RASGEF1A: variants seen among roughly 807,000 people sequenced by gnomAD.
The protein encoded by RASGEF1A is RasGEF domain family member 1A, also known as ras-GEF domain-containing family member 1A.
In RASGEF1A, 18 loss-of-function variants were observed where a neutral mutation model predicts 56.4. That is an observed-to-expected ratio of 0.32 (90% CI 0.22 to 0.47). The LOEUF (loss-of-function observed/expected upper bound fraction) is 0.47. RASGEF1A is among the 20% of genes least tolerant of loss of function. The pLI, the probability that RASGEF1A is intolerant of heterozygous loss-of-function variation, is 1.00. For missense variants in RASGEF1A, 422 were observed against 627.1 expected, an observed-to-expected ratio of 0.67 and a Z score of 3.49; for synonymous variants, 245 against 242.6, an observed-to-expected ratio of 1.01 and a Z score of -0.09.
At chr10:43,259,854 AG>A (rs1836494942) in intron 1 of RASGEF1A, among the ~76,000 whole-genome samples, 1 of 148,856 alleles carries the variant, frequency 6.7e-6, no homozygotes, top group South Asian at 2.3e-4. Flanking sequence ...GCACACAGGC[AG>A]GGGAAACCAC....
chr10:43,259,370 A>C (rs1836487276), intron 1 of RASGEF1A, among the ~76,000 whole-genome samples: 1 of 152,118 alleles, frequency 6.6e-6, no homozygotes, highest in Admixed American at 6.5e-5. Context: ...GCTGTGCAGC[A>C]GTCATCCACA....
At chr10:43,244,985 G>C (rs958155895) in intron 1 of RASGEF1A, among the ~76,000 whole-genome samples, 1 of 151,280 alleles carries the variant, frequency 6.6e-6, no homozygotes, top group Non-Finnish European at 1.5e-5. Flanking sequence ...GAAATAGAGA[G>C]TAAAAAAAAA....
In RASGEF1A at chr10:43,265,669, C is replaced by T. The variant is rs76800266; in HGVS notation, c.-7+1176G>A. Among the ~76,000 whole-genome samples, 1,343 of 152,366 alleles carry T rather than the reference C, an allele frequency of 8.8e-3. 55 individuals are homozygous for T. In the East Asian group the frequency reaches 0.095, roughly 11 times the overall value. ...AGGTCATCAAAACCGTGTCAGTCTA[C>T]AGATGGGGAAACTGAGTCTCAGAAG... On this transcript the variant is annotated intron_variant, in intron 1 of 12. Transcript: ENST00000395810.
In RASGEF1A at chr10:43,248,359, G is replaced by T. The variant is rs190407504; in HGVS notation, c.-7+18486C>A. On this transcript the variant is annotated intron_variant, in intron 1 of 12. Transcript: ENST00000395810. ...CAACAGAATGAGACTATGAGACTCG[G>T]TCTTTAAAAAAAAAAAAAAAAAAAA... Among the ~76,000 whole-genome samples the T allele has an allele frequency of 4.6e-5, 5 of 108,756 alleles. No individual in the cohort carries two copies. In the East Asian group the frequency reaches 1.1e-3, roughly 25 times the overall value. The allele number at this position is 108,756 out of a possible 152,430, so 71.3% of individuals were successfully genotyped here.
chr10:43,264,136 C>G (rs1034540149), intron 1 of RASGEF1A, among the ~76,000 whole-genome samples: 4 of 152,116 alleles, frequency 2.6e-5, no homozygotes, highest in African/African-American at 9.7e-5. Flanking sequence ...GCCATACCAG[C>G]TGACCTTCCC....
intron 1 of RASGEF1A, among the ~76,000 whole-genome samples, chr10:43,238,028 C>T (rs75467463): frequency 7.0e-6 from 1 of 143,480 alleles, no homozygotes; most frequent in East Asian, 2.2e-4. Context: ...CCAGGCCTGA[C>T]GCAGGTGTGC....
At chr10:43,247,850 T>A (rs1840583867) in intron 1 of RASGEF1A, among the ~76,000 whole-genome samples, 1 of 151,808 alleles carries the variant, frequency 6.6e-6, no homozygotes, top group South Asian at 2.1e-4. Flanking sequence ...TCACCTGAGG[T>A]CAGGAGTTCA....
intron 1 of RASGEF1A, among the ~76,000 whole-genome samples, chr10:43,234,255 G>A (rs1186254547): frequency 6.6e-6 from 1 of 152,212 alleles, no homozygotes; most frequent in East Asian, 1.9e-4. Context: ...ACAGGTAGAA[G>A]CTGTCGGCAC....
intron 3 of RASGEF1A, 56 bp downstream of exon 3, chr10:43,203,242 T>G: frequency 2.7e-6 from 4 of 1,478,586 alleles, no homozygotes; most frequent in Non-Finnish European, 3.6e-6. Context: ...CCCCTAGCCT[T>G]GACCTCGCCT....
chr10:43,211,153 C>T (rs991543342), intron 1 of RASGEF1A, among the ~76,000 whole-genome samples: 6 of 152,192 alleles, frequency 3.9e-5, no homozygotes, highest in African/African-American at 1.2e-4. Context: ...TCCTGGAGGA[C>T]GCGCCTCACT....
At chr10:43,209,240 T>G in intron 1 of RASGEF1A, 1 of 982,648 alleles carries the variant, frequency 1.0e-6, no homozygotes, top group Non-Finnish European at 1.2e-6. Flanking sequence ...AGTTGAAGAA[T>G]CCCAGTTACT....
intron 1 of RASGEF1A, among the ~76,000 whole-genome samples, chr10:43,263,531 G>C (rs1836572400): frequency 6.6e-6 from 1 of 152,176 alleles, no homozygotes; most frequent in Non-Finnish European, 1.5e-5. Context: ...GTTCTGTCTA[G>C]AGTCCCAGCC....
At chr10:43,229,723 C>T (rs1840335945) in intron 1 of RASGEF1A, 3 of 1,403,536 alleles carry the variant, frequency 2.1e-6, no homozygotes, top group Non-Finnish European at 1.8e-6. Context: ...CCTCTGCCCG[C>T]GAGCCAAGCA....
chr10:43,264,159 C>T (rs369888534), intron 1 of RASGEF1A, among the ~76,000 whole-genome samples: 42 of 151,500 alleles, frequency 2.8e-4, no homozygotes, highest in East Asian at 2.2e-3. Context: ...ACCCTGCTCC[C>T]GGGCTGCTAG....
chr10:43,231,647 A>G (rs1001445275), intron 1 of RASGEF1A, among the ~76,000 whole-genome samples: 126 of 152,292 alleles, frequency 8.3e-4, no homozygotes, highest in African/African-American at 2.9e-3. Flanking sequence ...CCTTGCCCCC[A>G]TCTCTGGCTG....
chr10:43,206,706 G>C (rs896736913), intron 1 of RASGEF1A: 1 of 987,140 alleles, frequency 1.0e-6, no homozygotes, highest in African/African-American at 1.7e-5. Context: ...GTGGATGGTG[G>C]GTCTTGCCAC....
chr10:43,233,033 C>T (rs1840391635), intron 1 of RASGEF1A, among the ~76,000 whole-genome samples: 1 of 148,804 alleles, frequency 6.7e-6, no homozygotes, highest in Non-Finnish European at 1.5e-5. Context: ...GTGCAATGTG[C>T]TCTGCAGTGT....
chr10:43,209,418 G>A (rs1840036593), intron 1 of RASGEF1A, among the ~76,000 whole-genome samples: 1 of 152,210 alleles, frequency 6.6e-6, no homozygotes, highest in Non-Finnish European at 1.5e-5. Flanking sequence ...TCCACCACCT[G>A]TCTTGGCTAT....
intron 1 of RASGEF1A, chr10:43,209,265 C>A: frequency 4.2e-6 from 4 of 961,450 alleles, no homozygotes; most frequent in East Asian, 1.2e-4. Context: ...CCAGTCACCC[C>A]CTATGCTCCC....
Sources: allele counts gnomAD v4.1 joint callset (sites outside exome capture counted in the v4.1 genomes callset), GRCh38; gene constraint gnomAD v4.1.1; transcripts MANE v1.5; gene names NCBI Gene and HGNC (gene_info 2026-07-23, HGNC 2026-07-21).